Variants in IQCB1 observed in about 807,000 individuals in gnomAD.
IQCB1 encodes IQ motif containing B1, also known as IQ calmodulin-binding motif-containing protein 1.
In IQCB1, 56 loss-of-function variants were observed where a neutral mutation model predicts 84.4. The ratio of observed to expected loss-of-function variants is 0.66; its 90% CI spans 0.54 to 0.83. IQCB1 has a LOEUF of 0.83. Among genes scored for constraint, IQCB1 ranks in the 40% least tolerant of loss-of-function variants. IQCB1 has a pLI of 0.00. For missense variants in IQCB1, 629 were observed against 682.1 expected, an observed-to-expected ratio of 0.92 and a Z score of 0.87; for synonymous variants, 210 against 234.8, an observed-to-expected ratio of 0.89 and a Z score of 0.96.
At chr3:121,773,845 G>T (rs1037455282) in intron 13 of IQCB1, among the ~76,000 whole-genome samples, 1 of 151,852 alleles carries the variant, frequency 6.6e-6, no homozygotes, top group Admixed American at 6.6e-5. Context: ...ATTGGTTTTG[G>T]TGATGATTTC....
intron 5 of IQCB1, among the ~76,000 whole-genome samples, chr3:121,809,610 T>C (rs1382310063): frequency 6.6e-6 from 1 of 152,110 alleles, no homozygotes; most frequent in African/African-American, 2.4e-5. Context: ...TCAATCAACA[T>C]TTAGTCAACA....
chr3:121,832,169 A>C lies in IQCB1; in HGVS notation c.-13+2222T>G, dbSNP rs550419321. On this transcript the variant is annotated intron_variant, in intron 2 of 14. Transcript: ENST00000310864. The stretch of plus-strand genomic sequence containing the variant: ...TATTTCTTTTATGTATTTTCTATTC[A>C]TATCCCTTGACTATATTTCTATCGG... 1.1e-4 allele frequency among the ~76,000 whole-genome samples: 17 copies of C among 152,234 alleles called. No individual in the cohort carries two copies. In the South Asian group the frequency reaches 3.3e-3, roughly 30 times the overall value.
intron 13 of IQCB1, among the ~76,000 whole-genome samples, 180 bp downstream of exon 13, chr3:121,781,563 T>A (rs1343504400): frequency 6.6e-6 from 1 of 152,080 alleles, no homozygotes; most frequent in East Asian, 1.9e-4. Context: ...TATGGCTATG[T>A]AACTAGAAAA....
chr3:121,791,113 G>A (rs976958698), intron 10 of IQCB1, among the ~76,000 whole-genome samples: 1 of 152,124 alleles, frequency 6.6e-6, no homozygotes, highest in Admixed American at 6.6e-5. Context: ...AAAAGAAAAC[G>A]AGGATAAGAA....
At chr3:121,818,180 T>C (rs978278811) in intron 5 of IQCB1, among the ~76,000 whole-genome samples, 6 of 152,234 alleles carry the variant, frequency 3.9e-5, no homozygotes, top group Non-Finnish European at 8.8e-5. Context: ...AATGTACATA[T>C]AGCCAAGAAC....
At chr3:121,793,491 A>G (rs969787315) in intron 10 of IQCB1, among the ~76,000 whole-genome samples, 1 of 152,114 alleles carries the variant, frequency 6.6e-6, no homozygotes, top group Non-Finnish European at 1.5e-5. Flanking sequence ...ATAACCTTTG[A>G]AAAAAAACCA....
In IQCB1 at chr3:121,816,188, A is replaced by C. The variant is rs540907170; in HGVS notation, c.394-7179T>G. On this transcript the variant is annotated intron_variant, in intron 5 of 14. Coordinates refer to ENST00000310864, the MANE Select transcript of IQCB1 (RefSeq NM_001023570.4). ...ATAGGGAAAGGATTCCCTATTTAAT[A>C]AATGGTGCTGGGAAAACTGGCTAGC... Among the ~76,000 whole-genome samples the C allele has an allele frequency of 1.1e-4, 17 of 152,310 alleles. No individual in the cohort carries two copies. The South Asian group carries it at 1.7e-3, about 15-fold the overall frequency.
chr3:121,825,102 C>T (rs1003223649), intron 5 of IQCB1, among the ~76,000 whole-genome samples: 1 of 150,060 alleles, frequency 6.7e-6, no homozygotes, highest in Non-Finnish European at 1.5e-5. Flanking sequence ...CTCTTGTTGC[C>T]CAGGCTGGAG....
At position 121,797,180 on chromosome 3, in the gene IQCB1, G is replaced by A. The variant is rs760296374; in HGVS notation, c.814C>T (p.Gln272Ter). ...SKQETGTEFS[Q>*]ELRQLVGLLS... ...AGGCCAACAAGCTGTCTAAGTTCTT[G>A]ACTGAATTCAGTCCCAGTTTCCTGT... Residue 272 changes from glutamine (Q) to a stop codon, truncating the protein, a stop_gained, in exon 9 of 15, where the codon CAA becomes TAA. Transcript: ENST00000310864. LOFTEE classifies it high-confidence loss of function. 1 of 1,609,992 alleles carries A rather than the reference G, an allele frequency of 6.2e-7. No individual in the cohort carries two copies. The highest frequency in any genetic ancestry group is 2.2e-5 in the East Asian group (1 of 44,816).
At chr3:121,801,809 C>A (rs1424213540) in intron 7 of IQCB1, among the ~76,000 whole-genome samples, 1 of 47,586 alleles carries the variant, frequency 2.1e-5, no homozygotes, top group East Asian at 4.8e-4. Context: ...TGCTGCAAGG[C>A]CTTTTTTTTT....
At chr3:121,811,676 T>C (rs1032315326) in intron 5 of IQCB1, among the ~76,000 whole-genome samples, 3 of 152,170 alleles carry the variant, frequency 2.0e-5, no homozygotes, top group Non-Finnish European at 4.4e-5. Context: ...TGGGTGGAAC[T>C]CACTGCAGCA....
chr3:121,805,924 C>T (rs1949586704), intron 7 of IQCB1, among the ~76,000 whole-genome samples: 1 of 152,108 alleles, frequency 6.6e-6, no homozygotes, highest in South Asian at 2.1e-4. Flanking sequence ...TGAGCTCTAT[C>T]ACTTCAACTC....
intron 13 of IQCB1, 49 bp downstream of exon 13, chr3:121,781,694 A>G: frequency 1.3e-6 from 2 of 1,513,868 alleles, no homozygotes; most frequent in Non-Finnish European, 1.8e-6. Flanking sequence ...AGTTATCAAT[A>G]TCATGCATTG....
intron 12 of IQCB1, among the ~76,000 whole-genome samples, chr3:121,784,362 G>C (rs569182238): frequency 1.6e-4 from 25 of 151,938 alleles, no homozygotes; most frequent in Non-Finnish European, 3.2e-4. Flanking sequence ...CTTGCTTTCT[G>C]TGAGATTTCT....
chr3:121,771,164 G>A (rs1394545724), intron 14 of IQCB1, among the ~76,000 whole-genome samples: 2 of 150,546 alleles, frequency 1.3e-5, no homozygotes, highest in Admixed American at 6.6e-5. Context: ...AGAGACGGGC[G>A]TTTCACCATG....
chr3:121,828,897 C>T lies in IQCB1; in HGVS notation c.64G>A (p.Glu22Lys). The change falls in exon 3 of 15, where the codon GAG becomes AAG. Residue 22 changes from glutamate to lysine, a missense_variant. Coordinates refer to ENST00000310864, the MANE Select transcript of IQCB1 (RefSeq NM_001023570.4). ...SIAAEVAKSPEQNVPVILLKL... is the reference protein window; with the variant it reads ...SIAAEVAKSPKQNVPVILLKL... Reference sequence around the variant, plus strand: ...AACAGTATAACAGGGACATTCTGCTCAGGGCTTTTTGCAACTTCAGCAGCT... The same window carrying T: ...AACAGTATAACAGGGACATTCTGCTTAGGGCTTTTTGCAACTTCAGCAGCT... The T allele has an allele frequency of 6.2e-7, 1 of 1,610,906 alleles. No individual in the cohort carries two copies. Among genetic ancestry groups the T allele is most frequent in the Non-Finnish European group, 8.5e-7 (1 of 1,178,134 alleles).
intron 5 of IQCB1, among the ~76,000 whole-genome samples, chr3:121,819,289 G>A (rs1215354845): frequency 6.6e-6 from 1 of 152,196 alleles, no homozygotes; most frequent in Admixed American, 6.5e-5. Flanking sequence ...TAATGAGCCT[G>A]CAACCTAGAT....
chr3:121,809,045 T>C lies in IQCB1; in HGVS notation c.394-36A>G, dbSNP rs544401159. ...AAGATAAGCCCAGTTTACTTTTCTA[T>C]AGTTTTTTTCCTTTTTTTTTTTTTT... is the stretch of plus-strand genomic sequence containing the variant. On this transcript the variant is annotated intron_variant, in intron 5 of 14. Transcript: ENST00000310864. 17 of 1,326,292 alleles carry C rather than the reference T, an allele frequency of 1.3e-5. No individual in the cohort carries two copies. The African/African-American group carries it at 1.6e-4, about 13-fold the overall frequency. 82.2% of individuals were successfully genotyped at this position (1,326,292 alleles called of 1,614,324 possible).
At chr3:121,785,210 T>C (rs528394806) in intron 12 of IQCB1, among the ~76,000 whole-genome samples, 3 of 152,198 alleles carry the variant, frequency 2.0e-5, no homozygotes, top group South Asian at 4.2e-4. Flanking sequence ...CAGTTCTTCC[T>C]GAGGGACACA....
Sources: gnomAD v4.1 joint callset for allele counts (sites outside exome capture counted in the v4.1 genomes callset) on GRCh38, gnomAD v4.1.1 for gene constraint, MANE v1.5 for transcripts, NCBI Gene and HGNC (gene_info 2026-07-23, HGNC 2026-07-21) for gene names.